The following TFDP1 variants were observed in gnomAD, a reference collection of about 807,000 sequenced individuals.
TFDP1 encodes DRTF1-polypeptide 1.
In TFDP1, 6 loss-of-function variants were observed where a neutral mutation model predicts 48.0. That is an observed-to-expected ratio of 0.13 (90% CI 0.07 to 0.25). The LOEUF is 0.25. Among genes scored for constraint, TFDP1 ranks in the 10% least tolerant of loss-of-function variants. TFDP1 has a pLI of 1.00. For missense variants in TFDP1, 335 were observed against 543.0 expected, an observed-to-expected ratio of 0.62 and a Z score of 3.81; for synonymous variants, 201 against 211.6, an observed-to-expected ratio of 0.95 and a Z score of 0.44.
intron 3 of TFDP1, 58 bp downstream of exon 3, chr13:113,611,120 G>A (rs1302639542): frequency 8.9e-6 from 13 of 1,462,648 alleles, no homozygotes; most frequent in African/African-American, 1.4e-5. Context: ...AGCTTCACAT[G>A]TTTATGAAGC....
At chr13:113,631,930 C>G (rs985851262) in intron 5 of TFDP1, 186 bp downstream of exon 5, 21 of 783,056 alleles carry the variant, frequency 2.7e-5, no homozygotes, top group Middle Eastern at 2.5e-4. Context: ...CGCACTGCCT[C>G]GGTCATGGAG....
intron 3 of TFDP1, among the ~76,000 whole-genome samples, chr13:113,618,712 C>T (rs144381697): frequency 2.6e-4 from 39 of 152,330 alleles, no homozygotes; most frequent in African/African-American, 7.9e-4. Flanking sequence ...CCGAGGAAAA[C>T]ACACAGCATG....
chr13:113,621,327 G>A (rs1031909911), intron 3 of TFDP1, among the ~76,000 whole-genome samples: 4 of 152,230 alleles, frequency 2.6e-5, no homozygotes, highest in African/African-American at 9.6e-5. Context: ...ATTTTCAAAT[G>A]GGGGGCTATC....
intron 4 of TFDP1, among the ~76,000 whole-genome samples, chr13:113,628,455 G>A (rs961230214): frequency 6.6e-6 from 1 of 152,236 alleles, no homozygotes; most frequent in African/African-American, 2.4e-5. Context: ...GGCGGGTGAG[G>A]GAGTCGTGAG....
At chr13:113,615,653 C>T (rs945396675) in intron 3 of TFDP1, among the ~76,000 whole-genome samples, 7 of 152,286 alleles carry the variant, frequency 4.6e-5, no homozygotes, top group South Asian at 4.1e-4. Flanking sequence ...CCAGAAATCC[C>T]GGTGCTTTGG....
At chr13:113,610,275 T>C (rs1280982507) in intron 2 of TFDP1, among the ~76,000 whole-genome samples, 1 of 151,984 alleles carries the variant, frequency 6.6e-6, no homozygotes, top group East Asian at 1.9e-4. Flanking sequence ...CCATCACGTT[T>C]GTGTGTGCTT....
At chr13:113,630,070 G>A (rs1029100922) in intron 4 of TFDP1, among the ~76,000 whole-genome samples, 23 of 152,176 alleles carry the variant, frequency 1.5e-4, no homozygotes, top group Non-Finnish European at 2.9e-4. Flanking sequence ...GAAGCCGTGC[G>A]GGGCCAGCGC....
At chr13:113,613,011 G>A (rs1169514810) in intron 3 of TFDP1, among the ~76,000 whole-genome samples, 1 of 119,138 alleles carries the variant, frequency 8.4e-6, no homozygotes, top group African/African-American at 4.0e-5. Context: ...CGCACAGACG[G>A]TGGTTTTTGT....
chr13:113,628,714 T>A (rs542412736), intron 4 of TFDP1, among the ~76,000 whole-genome samples: 75 of 152,322 alleles, frequency 4.9e-4, no homozygotes, highest in Non-Finnish European at 9.4e-4. Context: ...CCTCCTTTTT[T>A]TCCCTAGGGG....
At chr13:113,615,234 T>C (rs367788734) in intron 3 of TFDP1, among the ~76,000 whole-genome samples, 236 of 152,372 alleles carry the variant, frequency 1.5e-3, no homozygotes, top group African/African-American at 5.4e-3. Context: ...TGTGAACATT[T>C]GCACACACAC....
rs2049047480 is a variant in TFDP1 at position 113,623,559 on chromosome 13, G to A, written c.186+273G>A. Reference sequence around the variant, plus strand: ...TTCCAGTAACTGGAGGGTGGTGGGTGGGGCCGCGGCCCCAACCAGAGGCAG... The same window carrying A: ...TTCCAGTAACTGGAGGGTGGTGGGTAGGGCCGCGGCCCCAACCAGAGGCAG... On this transcript the variant is annotated intron_variant, in intron 4 of 11. Transcript: ENST00000375370. The surrounding 1 kb of genome is among the most constrained non-coding windows in gnomAD (Gnocchi z 5.2). Among the ~76,000 whole-genome samples, 1 of 152,104 alleles carries A rather than the reference G, an allele frequency of 6.6e-6. No individual in the cohort carries two copies. The highest frequency in any genetic ancestry group is 6.5e-5 in the Admixed American group (1 of 15,282).
At chr13:113,634,871 CTGTGTGCGTGTGCATG>C (rs966971199) in intron 8 of TFDP1, among the ~76,000 whole-genome samples, 3 of 146,116 alleles carry the variant, frequency 2.1e-5, no homozygotes, top group South Asian at 2.2e-4. Flanking sequence ...GTGCGTGTGC[CTGTGTGCGTGTGCATG>C]TGTGTGCGTG....
In TFDP1 at chr13:113,623,199, C is replaced by T. The variant is rs147153953; in HGVS notation, c.99C>T (p.Ala33=). The change falls in exon 4 of 12, where the codon GCC becomes GCT. Residue 33 remains alanine (A), a synonymous_variant. Coordinates refer to ENST00000375370, the MANE Select transcript of TFDP1 (RefSeq NM_007111.5). This position sits in a 1 kb window ranked among gnomAD's most constrained non-coding sequence, Gnocchi z 5.2. The part of the protein sequence containing the change: ...SPGKGVVSLV[A]VHPSTVNPLG... ...TTGCAGGCGTGGTGTCCCTCGTGGC[C>T]GTTCACCCCTCCACCGTCAACCCGC... 43 of 1,613,278 alleles carry T rather than the reference C, an allele frequency of 2.7e-5. No individual in the cohort carries two copies. In the African/African-American group the frequency reaches 3.1e-4, roughly 12 times the overall value.
In TFDP1 at chr13:113,633,317, G is replaced by C. The variant is rs753174464; in HGVS notation, c.474+32G>C. On this transcript the variant is annotated intron_variant, in intron 6 of 11. Transcript: ENST00000375370. This position sits in a 1 kb window ranked among gnomAD's most constrained non-coding sequence, Gnocchi z 4.5. ...GTGTGCCGGGGGCCGAGAGGCTGGG[G>C]TGGCGGAGCCCAGCGGTGTGGTACG... 3.7e-5 allele frequency: 59 copies of C among 1,599,344 alleles called. No individual in the cohort carries two copies. Among genetic ancestry groups the C allele is most frequent in the Non-Finnish European group, 4.9e-5 (57 of 1,168,996 alleles).
chr13:113,608,876 A>G (rs1258237424), intron 2 of TFDP1, among the ~76,000 whole-genome samples: 4 of 151,800 alleles, frequency 2.6e-5, no homozygotes, highest in African/African-American at 9.7e-5. Context: ...CCTTTTTCTA[A>G]CTGGCCGTAC....
chr13:113,605,345 G>A (rs528962956), intron 2 of TFDP1, among the ~76,000 whole-genome samples: 1 of 147,802 alleles, frequency 6.8e-6, no homozygotes, highest in African/African-American at 2.6e-5. Flanking sequence ...ATTCAGTGAC[G>A]ACCTGGTTGA....
intron 2 of TFDP1, among the ~76,000 whole-genome samples, chr13:113,601,650 G>A (rs143235071): frequency 7.2e-5 from 11 of 152,368 alleles, no homozygotes; most frequent in Non-Finnish European, 2.9e-5. Flanking sequence ...GGGTCCAGGA[G>A]GACTCGTGGG....
At chr13:113,587,423 G>A (rs4150687) in intron 2 of TFDP1, among the ~76,000 whole-genome samples, 3 of 151,896 alleles carry the variant, frequency 2.0e-5, no homozygotes, top group Non-Finnish European at 4.4e-5. Context: ...CAGGAGTGCT[G>A]GGTCTGGATG....
At position 113,634,689 on chromosome 13, in the gene TFDP1, C is replaced by T. The variant is rs2049427850; in HGVS notation, c.687+87C>T. On this transcript the variant is annotated intron_variant, in intron 8 of 11. Coordinates refer to ENST00000375370, the MANE Select transcript of TFDP1 (RefSeq NM_007111.5). ...CGGCAACATACTGCCTTGGGTTACA[C>T]TCCTGCATGGCAAATCAAATGACTG... 9 of 966,902 alleles carry T rather than the reference C, an allele frequency of 9.3e-6. No individual in the cohort carries two copies. In the South Asian group the frequency reaches 1.1e-4, roughly 12 times the overall value. The allele number at this position is 966,902 out of a possible 1,614,324, so 59.9% of individuals were successfully genotyped here. A position where few individuals can be genotyped will look rare whatever the true frequency, so the allele number is the denominator to read the frequency against.
Sources: allele counts gnomAD v4.1 joint callset (sites outside exome capture counted in the v4.1 genomes callset), GRCh38; gene constraint gnomAD v4.1.1; non-coding constraint Gnocchi (gnomAD v3.1); transcripts MANE v1.5; gene names NCBI Gene and HGNC (gene_info 2026-07-23, HGNC 2026-07-21).